The following KIF14 variants were observed in gnomAD, a reference collection of about 807,000 sequenced individuals.
The protein encoded by KIF14 is kinesin family member 14, also known as kinesin-like protein KIF14.
Under a neutral mutation model 176.2 loss-of-function variants are expected in KIF14, and 98 were observed. The ratio of observed to expected loss-of-function variants is 0.56; its 90% CI spans 0.47 to 0.66. The LOEUF (loss-of-function observed/expected upper bound fraction) is 0.66, where lower values mean the gene tolerates loss of function less well. Ranked by LOEUF, KIF14 falls within the 30% of genes least tolerant of loss-of-function variation. The pLI, the probability that KIF14 is intolerant of heterozygous loss-of-function variation, is 0.00. For missense variants in KIF14, 1,751 were observed against 1,920.4 expected (o/e 0.91, Z 1.65); for synonymous variants, 566 against 632.2 (o/e 0.90, Z 1.57).
chr1:200,619,602 C>T (rs771721143), intron 1 of KIF14, among the ~76,000 whole-genome samples: 1 of 152,200 alleles, frequency 6.6e-6, no homozygotes, highest in Non-Finnish European at 1.5e-5. Flanking sequence ...CCGCCCGCCT[C>T]GGCCTCCCAA....
Position 200,554,530 on chromosome 1 carries a change from T to C in KIF14, c.4505A>G (p.Glu1502Gly), listed in dbSNP as rs758691608. Residue 1502 changes from glutamate (E) to glycine (G), a missense_variant, in exon 29 of 30, where the codon GAA becomes GGA. Coordinates refer to ENST00000367350, the MANE Select transcript of KIF14 (RefSeq NM_014875.3). ...DFKRMVNRAPEFLKLKHCLEK... is the reference protein window; with the variant it reads ...DFKRMVNRAPGFLKLKHCLEK... ...TAAGCAATGTTTTAACTTTAAGAAT[T>C]CTGGAGCACGATTAACCATCCTCTT... 6 of 1,554,842 alleles carry C rather than the reference T, an allele frequency of 3.9e-6. No homozygotes were observed. In the African/African-American group the frequency reaches 8.2e-5, roughly 21 times the overall value.
At chr1:200,594,071 C>T (rs1446858394) in intron 14 of KIF14, among the ~76,000 whole-genome samples, 1 of 151,216 alleles carries the variant, frequency 6.6e-6, no homozygotes, top group Non-Finnish European at 1.5e-5. Context: ...GCTAGGATTA[C>T]AGGCACCCAC....
chr1:200,594,367 TCAA>T (rs1358487205), intron 14 of KIF14, among the ~76,000 whole-genome samples: 643 of 16,044 alleles, frequency 0.04, 11 homozygotes, highest in African/African-American at 0.13. Flanking sequence ...CCCCAAAAAT[TCAA>T]AAAAAAAAAA....
intron 2 of KIF14, among the ~76,000 whole-genome samples, chr1:200,617,314 T>A (rs1236268501): frequency 6.6e-6 from 1 of 152,136 alleles, no homozygotes; most frequent in Non-Finnish European, 1.5e-5. Flanking sequence ...CAGCATATAT[T>A]GCAGATCTGA....
At chr1:200,608,949 G>A in intron 4 of KIF14, 21 bp from the exon 5 acceptor site, 1 of 1,377,798 alleles carries the variant, frequency 7.3e-7, no homozygotes, top group Non-Finnish European at 1.0e-6. Flanking sequence ...TAGAAACACA[G>A]CATATAATTT....
chr1:200,580,462 T>G, intron 20 of KIF14, 79 bp from the exon 21 acceptor site: 1 of 880,564 alleles, frequency 1.1e-6, no homozygotes, highest in Non-Finnish European at 1.6e-6. Flanking sequence ...TGGGGTAGAA[T>G]AATTTCCCTA....
In KIF14 at chr1:200,554,523, TAAG is replaced by T; in HGVS notation, c.4509_4511del (p.Phe1503del). ...CTTTCTCTAAGCAATGTTTTAACTTTAAGAATTCTGGAGCACGATTAACCATCC... is the reference window on the plus strand; with the variant it reads ...CTTTCTCTAAGCAATGTTTTAACTTTAATTCTGGAGCACGATTAACCATCC... On this transcript the variant is annotated inframe_deletion, in exon 29 of 30. Coordinates refer to ENST00000367350, the MANE Select transcript of KIF14 (RefSeq NM_014875.3). The T allele has an allele frequency of 6.4e-7, 1 of 1,552,666 alleles. No individual in the cohort carries two copies. The highest frequency in any genetic ancestry group is 1.7e-4 in the Middle Eastern group (1 of 5,942).
chr1:200,555,503 C>A, intron 27 of KIF14, 49 bp from the exon 28 acceptor site: 1 of 1,112,130 alleles, frequency 9.0e-7, no homozygotes, highest in Non-Finnish European at 1.3e-6. Context: ...TTCAGAAGTA[C>A]AAAAATCATA....
Position 200,612,866 on chromosome 1 carries a change from T to A in KIF14, c.1455+1452A>T, listed in dbSNP as rs10919981. On this transcript the variant is annotated intron_variant, in intron 4 of 29. Transcript: ENST00000367350. The stretch of plus-strand genomic sequence containing the variant: ...CTTCATGAGCCAAGTTCTGCAGGCC[T>A]TTCTAGTTTATTCTCTTTTTTTTTT... Among the ~76,000 whole-genome samples, 243 of 150,340 alleles carry A rather than the reference T, an allele frequency of 1.6e-3. 1 individual carries two copies. The highest frequency in any genetic ancestry group is 5.7e-3 in the African/African-American group (234 of 41,090).
chr1:200,592,317 A>G, intron 15 of KIF14, 77 bp from the exon 16 acceptor site: 1 of 1,104,444 alleles, frequency 9.1e-7, no homozygotes, highest in Non-Finnish European at 1.3e-6. Context: ...ATTTTGCCCA[A>G]CAATTCAATA....
In KIF14 at chr1:200,592,082, T is replaced by C; in HGVS notation, c.2811A>G (p.Ser937=). The C allele has an allele frequency of 1.2e-6, 2 of 1,611,252 alleles. No homozygotes were observed. Among genetic ancestry groups the C allele is most frequent in the Non-Finnish European group, 1.7e-6 (2 of 1,178,758 alleles). ...AKNELLMAQR[S]QLEAEIKEAQ... is the part of the protein sequence containing the mutation. ...TTTCATATCAACAGCATACTTACTG[T>C]GATCTCTGTGCCATGAGCAACTCAT... is the stretch of plus-strand genomic sequence containing the variant. The change falls in exon 16 of 30, where the codon TCA becomes TCG. Residue 937 remains serine (S), a splice_region_variant and synonymous_variant. Transcript: ENST00000367350.
chr1:200,589,016 ACT>A (rs1289097684), intron 18 of KIF14, among the ~76,000 whole-genome samples, 199 bp downstream of exon 18: 1 of 152,182 alleles, frequency 6.6e-6, no homozygotes. Context: ...GATGGAAATA[ACT>A]CTGTCACTTT....
At chr1:200,563,195 T>C (rs1188457234) in intron 25 of KIF14, among the ~76,000 whole-genome samples, 1 of 152,170 alleles carries the variant, frequency 6.6e-6, no homozygotes, top group East Asian at 1.9e-4. Flanking sequence ...CAGGAAGTAT[T>C]TGACACAACA....
intron 21 of KIF14, 29 bp downstream of exon 21, chr1:200,580,225 T>C (rs762468172): frequency 1.7e-6 from 2 of 1,199,532 alleles, no homozygotes; most frequent in South Asian, 2.4e-5. Context: ...TTTTAAAAAA[T>C]TTATAGAGAT....
Position 200,581,276 on chromosome 1 carries a change from G to C in KIF14, c.3260C>G (p.Ser1087Cys). ...KTFTVQTTWSSMKLSMMIQEA... is the reference protein window; with the variant it reads ...KTFTVQTTWSCMKLSMMIQEA... ...CTGAATCATCATTGAGAGTTTCATA[G>C]AGCTCCAAGTTGTCTGCACTAATAC... is the stretch of plus-strand genomic sequence containing the variant. Residue 1087 changes from serine to cysteine, a missense_variant, in exon 20 of 30, where the codon TCT becomes TGT. Transcript: ENST00000367350. 6.2e-7 allele frequency: 1 copy of C among 1,604,746 alleles called. No homozygotes were observed. The highest frequency in any genetic ancestry group is 8.5e-7 in the Non-Finnish European group (1 of 1,175,920).
chr1:200,611,525 AAACACGT>A (rs1407227880), intron 4 of KIF14, among the ~76,000 whole-genome samples: 1 of 152,228 alleles, frequency 6.6e-6, no homozygotes, highest in Non-Finnish European at 1.5e-5. Context: ...AGAATTCAAT[AAACACGT>A]AATAATGCTT....
At chr1:200,586,259 G>A (rs765367955) in intron 18 of KIF14, 32 bp from the exon 19 acceptor site, 22 of 1,490,368 alleles carry the variant, frequency 1.5e-5, no homozygotes, top group Non-Finnish European at 1.9e-5. Flanking sequence ...AGACCCACAT[G>A]TGAGAATATG....
chr1:200,559,237 CAT>C (rs576970833), intron 27 of KIF14, 91 bp downstream of exon 27: 417 of 752,420 alleles, frequency 5.5e-4, no homozygotes, highest in Non-Finnish European at 6.8e-4. Context: ...CAAATTAAAA[CAT>C]ATGAATTTAT....
At chr1:200,598,989 T>G (rs1659500705) in intron 13 of KIF14, among the ~76,000 whole-genome samples, 1 of 152,220 alleles carries the variant, frequency 6.6e-6, no homozygotes, top group South Asian at 2.1e-4. Flanking sequence ...GTCTTCTTAT[T>G]GACTGACCGT....
Sources: gnomAD v4.1 joint callset for allele counts (sites outside exome capture counted in the v4.1 genomes callset) on GRCh38, gnomAD v4.1.1 for gene constraint, MANE v1.5 for transcripts, NCBI Gene and HGNC (gene_info 2026-07-23, HGNC 2026-07-21) for gene names.